IQANK1: variants seen among roughly 807,000 people sequenced by gnomAD.
IQANK1 encodes the protein IQ motif and ankyrin repeat domain-containing protein 1.
A neutral mutation model predicts 22.6 loss-of-function variants in IQANK1; 30 were observed. The ratio of observed to expected loss-of-function variants is 1.33; its 90% confidence interval spans 0.99 to 1.80. The LOEUF is 1.80. IQANK1 is among the 40% of genes most tolerant of loss of function. IQANK1 has a pLI of 0.00. For missense variants in IQANK1, 275 were observed against 235.2 expected, an observed-to-expected ratio of 1.17 and a Z score of -1.11; for synonymous variants, 122 against 99.6, an observed-to-expected ratio of 1.23 and a Z score of -1.34.
intron 3 of IQANK1, among the ~76,000 whole-genome samples, chr8:143,746,503 C>T (rs911696135): frequency 5.3e-5 from 8 of 152,150 alleles, no homozygotes; most frequent in Admixed American, 3.3e-4. Flanking sequence ...CCATCTCAGC[C>T]TCCCAAGTAG....
Position 143,790,428 on chromosome 8 carries a change from G to A in IQANK1, c.1503G>A (p.Gln501=), listed in dbSNP as rs112394497. The A allele has an allele frequency of 2.1e-5, 13 of 617,942 alleles. No individual in the cohort carries two copies. The highest frequency in any genetic ancestry group is 1.3e-4 in the African/African-American group (7 of 52,444). The allele number at this position is 617,942 out of a possible 1,614,324, so 38.3% of individuals were successfully genotyped here. A position where few individuals can be genotyped will look rare whatever the true frequency, so the allele number is the denominator to read the frequency against. Residue 501 remains glutamine, a synonymous_variant, in exon 14 of 14, where the codon CAG becomes CAA. Coordinates refer to ENST00000527139, the MANE Select transcript of IQANK1 (RefSeq NM_001381874.1). The part of the protein sequence containing the change: ...PVVQRQLEAV[Q]ERYLSLLRPT... ...TGCAGCGGCAGCTGGAGGCGGTGCAGGAGAGGTACCTGTCGCTGCTGCGGC... is the reference window on the plus strand; with the variant it reads ...TGCAGCGGCAGCTGGAGGCGGTGCAAGAGAGGTACCTGTCGCTGCTGCGGC...
chr8:143,781,760 C>T (rs181019992), intron 7 of IQANK1, among the ~76,000 whole-genome samples: 1 of 152,102 alleles, frequency 6.6e-6, no homozygotes, highest in Admixed American at 6.6e-5. Context: ...ATGCCTGCAG[C>T]TTTGTTCTTT....
chr8:143,753,307 C>A (rs1451181321), intron 3 of IQANK1, among the ~76,000 whole-genome samples: 1 of 152,140 alleles, frequency 6.6e-6, no homozygotes, highest in East Asian at 1.9e-4. Flanking sequence ...AGCCACCGCA[C>A]CTGGCCTTTT....
At chr8:143,787,895 G>A (rs369366211) in intron 7 of IQANK1, among the ~76,000 whole-genome samples, 11 of 152,062 alleles carry the variant, frequency 7.2e-5, no homozygotes, top group East Asian at 1.9e-4. Context: ...ACCTGGCCCC[G>A]TCGCCAGGCC....
chr8:143,754,782 C>T lies in IQANK1; in HGVS notation c.175+14834C>T, dbSNP rs567503679. 9.2e-5 allele frequency among the ~76,000 whole-genome samples: 14 copies of T among 152,182 alleles called. No homozygotes were observed. In the East Asian group the frequency reaches 1.4e-3, roughly 15 times the overall value. The stretch of plus-strand genomic sequence containing the variant: ...CTGGGACTACAGGTGCCAACCACCA[C>T]GCCCGGCTAATTTTTTTGTATTTTT... On this transcript the variant is annotated intron_variant, in intron 3 of 13. Transcript: ENST00000527139.
chr8:143,757,495 C>T (rs1819315691), intron 3 of IQANK1, among the ~76,000 whole-genome samples: 1 of 152,038 alleles, frequency 6.6e-6, no homozygotes, highest in Admixed American at 6.6e-5. Context: ...CGCCACCACG[C>T]CCAGCTAATT....
At position 143,771,609 on chromosome 8, in the gene IQANK1, G is replaced by C. The variant is rs1363708079; in HGVS notation, c.297G>C (p.Pro99=). The C allele has an allele frequency of 5.0e-6, 2 of 398,662 alleles. No homozygotes were observed. Among genetic ancestry groups the C allele is most frequent in the African/African-American group, 4.1e-5 (2 of 48,568 alleles). The allele number at this position is 398,662 out of a possible 1,614,324, so 24.7% of individuals were successfully genotyped here. Residue 99 remains proline, a synonymous_variant, in exon 4 of 14, where the codon CCG becomes CCC. Transcript: ENST00000527139. This position sits in a 1 kb window ranked among gnomAD's most constrained non-coding sequence, Gnocchi z 6.0. ...RREYLEQMET[P]QKEAYLAPVR... ...AGTACCTGGAGCAGATGGAGACGCCGCAGAAGGAGGTGAGGACGGGCAGCC... is the reference window on the plus strand; with the variant it reads ...AGTACCTGGAGCAGATGGAGACGCCCCAGAAGGAGGTGAGGACGGGCAGCC...
At chr8:143,741,991 C>T (rs895777870) in intron 3 of IQANK1, 3 of 247,572 alleles carry the variant, frequency 1.2e-5, no homozygotes, top group Non-Finnish European at 1.6e-5. Context: ...CCATGCCACT[C>T]TGCCCCGGGG....
At chr8:143,738,738 C>T (rs115489687) in intron 2 of IQANK1, among the ~76,000 whole-genome samples, 8 of 152,022 alleles carry the variant, frequency 5.3e-5, no homozygotes, top group African/African-American at 1.2e-4. Flanking sequence ...CACAGCTGGT[C>T]GAGGGAAACT....
At chr8:143,781,742 G>A (rs1554630938) in intron 7 of IQANK1, among the ~76,000 whole-genome samples, 1 of 152,178 alleles carries the variant, frequency 6.6e-6, no homozygotes, top group Non-Finnish European at 1.5e-5. Context: ...TTGAAGCCGG[G>A]TAACACAATG....
chr8:143,767,877 C>CTTT (rs782768885), intron 3 of IQANK1, among the ~76,000 whole-genome samples: 45 of 78,804 alleles, frequency 5.7e-4, no homozygotes, highest in African/African-American at 1.3e-3. Flanking sequence ...GGAGCGAGAC[C>CTTT]TTTTTTTTTT....
rs1337554641 is a variant in IQANK1 at position 143,749,099 on chromosome 8, G to T, written c.175+9151G>T. On this transcript the variant is annotated intron_variant, in intron 3 of 13. Transcript: ENST00000527139. ...TGATATAAATGTATATAAATATATA[G>T]CATATATGATATAAACGTATATATA... Among the ~76,000 whole-genome samples the T allele has an allele frequency of 6.6e-4, 79 of 119,650 alleles. 1 individual carries two copies. The highest frequency in any genetic ancestry group is 2.6e-3 in the African/African-American group (76 of 29,142). 78.5% of individuals were successfully genotyped at this position (119,650 alleles called of 152,430 possible). A position where few individuals can be genotyped will look rare whatever the true frequency, so the allele number is the denominator to read the frequency against.
At chr8:143,776,837 A>C (rs1554630478) in intron 7 of IQANK1, among the ~76,000 whole-genome samples, 1 of 152,200 alleles carries the variant, frequency 6.6e-6, no homozygotes, top group Non-Finnish European at 1.5e-5. Context: ...GCTTCTGAGA[A>C]GCGTGAAGGA....
At chr8:143,764,881 T>A (rs1819458048) in intron 3 of IQANK1, among the ~76,000 whole-genome samples, 1 of 152,094 alleles carries the variant, frequency 6.6e-6, no homozygotes, top group Non-Finnish European at 1.5e-5. Context: ...AAAGAACATA[T>A]GTAATATATA....
In IQANK1 at chr8:143,775,718, C is replaced by T. The variant is rs571182562; in HGVS notation, c.789+3236C>T. On this transcript the variant is annotated intron_variant, in intron 7 of 13. Transcript: ENST00000527139. ...CAGAAGTTGCAGTGAGCTGAGATCG[C>T]GCCACTGGGCTTCAGCCTGGGCAAC... is the stretch of plus-strand genomic sequence containing the variant. 6.0e-5 allele frequency among the ~76,000 whole-genome samples: 9 copies of T among 151,190 alleles called. No individual in the cohort carries two copies. In the South Asian group the frequency reaches 6.3e-4, roughly 11 times the overall value.
intron 3 of IQANK1, among the ~76,000 whole-genome samples, chr8:143,765,454 T>G (rs949859422): frequency 6.6e-6 from 1 of 152,208 alleles, no homozygotes; most frequent in Non-Finnish European, 1.5e-5. Context: ...TTACTGGATA[T>G]AAAATGAGCC....
chr8:143,785,471 G>T (rs1484007937), intron 7 of IQANK1, among the ~76,000 whole-genome samples: 2 of 152,028 alleles, frequency 1.3e-5, no homozygotes, highest in African/African-American at 4.8e-5. Flanking sequence ...GGCTAGGCTG[G>T]TCTTGAACTC....
chr8:143,751,812 C>T (rs1554628081), intron 3 of IQANK1, among the ~76,000 whole-genome samples: 3 of 151,278 alleles, frequency 2.0e-5, no homozygotes, highest in African/African-American at 7.3e-5. Flanking sequence ...TTGAGCATTC[C>T]TTGCAGGGCA....
chr8:143,781,077 C>G (rs1487351199), intron 7 of IQANK1, among the ~76,000 whole-genome samples: 1 of 152,140 alleles, frequency 6.6e-6, no homozygotes, highest in African/African-American at 2.4e-5. Context: ...CTCTGATGAT[C>G]AGTGATATTG....
Sources: allele counts gnomAD v4.1 joint callset (sites outside exome capture counted in the v4.1 genomes callset), GRCh38; gene constraint gnomAD v4.1.1; non-coding constraint Gnocchi (gnomAD v3.1); transcripts MANE v1.5; gene names NCBI Gene and HGNC (gene_info 2026-07-23, HGNC 2026-07-21).